GRK5: variants seen among roughly 807,000 people sequenced by gnomAD.
GRK5 encodes g protein-coupled receptor kinase GRK5.
A neutral mutation model predicts 78.4 loss-of-function variants in GRK5; 40 were observed. The ratio of observed to expected loss-of-function variants is 0.51; its 90% CI spans 0.40 to 0.66. GRK5 has a LOEUF of 0.66. Ranked by LOEUF, GRK5 falls within the 30% of genes least tolerant of loss-of-function variation. The pLI, the probability that GRK5 is intolerant of heterozygous loss-of-function variation, is 0.00. For missense variants in GRK5, 598 were observed against 759.9 expected, an observed-to-expected ratio of 0.79 and a Z score of 2.50; for synonymous variants, 289 against 296.8, an observed-to-expected ratio of 0.97 and a Z score of 0.27.
At chr10:119,247,028 G>A (rs553363261) in intron 1 of GRK5, among the ~76,000 whole-genome samples, 1 of 152,306 alleles carries the variant, frequency 6.6e-6, no homozygotes, top group South Asian at 2.1e-4. Context: ...CCTGGCCCGA[G>A]GATGGGATTT....
chr10:119,301,479 C>G (rs909146408), intron 1 of GRK5, among the ~76,000 whole-genome samples: 1 of 152,214 alleles, frequency 6.6e-6, no homozygotes, highest in African/African-American at 2.4e-5. Context: ...CCACGAAGTA[C>G]ACAGGGTGTG....
At chr10:119,216,369 C>G (rs563819362) in intron 1 of GRK5, among the ~76,000 whole-genome samples, 1 of 152,364 alleles carries the variant, frequency 6.6e-6, no homozygotes, top group South Asian at 2.1e-4. Flanking sequence ...CAGATAAGAA[C>G]ATGCCTCTGT....
At chr10:119,318,642 C>G (rs1285986448) in intron 1 of GRK5, among the ~76,000 whole-genome samples, 4 of 152,104 alleles carry the variant, frequency 2.6e-5, no homozygotes, top group African/African-American at 9.7e-5. Context: ...AATCCATCAT[C>G]GCTGCACCCC....
At chr10:119,291,555 T>C (rs1468556310) in intron 1 of GRK5, among the ~76,000 whole-genome samples, 170 of 114,428 alleles carry the variant, frequency 1.5e-3, no homozygotes, top group Middle Eastern at 0.011. Flanking sequence ...CCTCCTCCTC[T>C]TCCTCCTCCT....
chr10:119,356,739 C>T (rs909343407), intron 2 of GRK5, among the ~76,000 whole-genome samples: 1 of 152,214 alleles, frequency 6.6e-6, no homozygotes, highest in Non-Finnish European at 1.5e-5. Context: ...CAAAACAGAA[C>T]TGCAGCCCTT....
At chr10:119,235,672 GT>G (rs914019787) in intron 1 of GRK5, among the ~76,000 whole-genome samples, 15 of 151,478 alleles carry the variant, frequency 9.9e-5, no homozygotes, top group African/African-American at 2.9e-4. Flanking sequence ...ATTTCTGACA[GT>G]TTTTTTTTCC....
Position 119,450,792 on chromosome 10 carries a change from C to T in GRK5, c.1405-1879C>T, listed in dbSNP as rs1853266869. Among the ~76,000 whole-genome samples, 3 of 152,240 alleles carry T rather than the reference C, an allele frequency of 2.0e-5. No individual in the cohort carries two copies. In the South Asian group the frequency reaches 6.2e-4, roughly 32 times the overall value. Reference sequence around the variant, plus strand: ...GCACAGAGCAGCCCACCGGTGCCCTCCTGCCTCAGCCGTGTACCCTGTGGC... The same window carrying T: ...GCACAGAGCAGCCCACCGGTGCCCTTCTGCCTCAGCCGTGTACCCTGTGGC... On this transcript the variant is annotated intron_variant, in intron 13 of 15. Coordinates refer to ENST00000392870, the MANE Select transcript of GRK5 (RefSeq NM_005308.3).
intron 1 of GRK5, among the ~76,000 whole-genome samples, chr10:119,237,597 G>A (rs1848953887): frequency 6.6e-6 from 1 of 152,144 alleles, no homozygotes; most frequent in Non-Finnish European, 1.5e-5. Flanking sequence ...AAAGGGAAGG[G>A]CTTTCTTCAA....
rs1010073481 is a variant in GRK5, at chr10:119,430,538, G to A, written c.597+100G>A. On this transcript the variant is annotated intron_variant, in intron 7 of 15. Transcript: ENST00000392870. The surrounding 1 kb of genome is among the most constrained non-coding windows in gnomAD (Gnocchi z 4.5). ...TAAAGGGTTGGCCCACGGGTCCCCCGGGGGCACCAGTGGCTCAATGTGGGC... is the reference window on the plus strand; with the variant it reads ...TAAAGGGTTGGCCCACGGGTCCCCCAGGGGCACCAGTGGCTCAATGTGGGC... 2.9e-5 allele frequency: 30 copies of A among 1,047,688 alleles called. No individual in the cohort carries two copies. The Admixed American group carries it at 3.0e-4, about 10-fold the overall frequency. 64.9% of individuals were successfully genotyped at this position (1,047,688 alleles called of 1,614,324 possible).
At chr10:119,416,592 T>C (rs1430418087) in intron 4 of GRK5, among the ~76,000 whole-genome samples, 3 of 146,860 alleles carry the variant, frequency 2.0e-5, no homozygotes, top group Non-Finnish European at 4.5e-5. Flanking sequence ...TCTCTCTCTT[T>C]TTTTTTTTTT....
At chr10:119,400,156 A>G (rs1012507368) in intron 4 of GRK5, among the ~76,000 whole-genome samples, 1 of 152,148 alleles carries the variant, frequency 6.6e-6, no homozygotes, top group Non-Finnish European at 1.5e-5. Flanking sequence ...GTGCCCCATG[A>G]TGGGGATTCT....
chr10:119,418,892 G>T (rs1362509930), intron 4 of GRK5, among the ~76,000 whole-genome samples: 1 of 151,936 alleles, frequency 6.6e-6, no homozygotes, highest in Non-Finnish European at 1.5e-5. Context: ...GTATCTACAG[G>T]CCTTGAGGCC....
At chr10:119,371,191 C>T (rs991076550) in intron 2 of GRK5, among the ~76,000 whole-genome samples, 4 of 152,172 alleles carry the variant, frequency 2.6e-5, no homozygotes, top group Non-Finnish European at 4.4e-5. Flanking sequence ...CAGCCCTCCC[C>T]GCACCCGGGC....
intron 10 of GRK5, among the ~76,000 whole-genome samples, chr10:119,440,159 C>T (rs79598139): frequency 0.081 from 12,327 of 152,160 alleles, 697 homozygotes; most frequent in Non-Finnish European, 0.12. Flanking sequence ...ACAAAGCGTC[C>T]TGCCCTGCCC....
At chr10:119,384,009 T>C (rs1335999922) in intron 3 of GRK5, among the ~76,000 whole-genome samples, 1 of 152,188 alleles carries the variant, frequency 6.6e-6, no homozygotes, top group Non-Finnish European at 1.5e-5. Context: ...GTTCCGAGGC[T>C]GACTTACCAG....
intron 1 of GRK5, among the ~76,000 whole-genome samples, chr10:119,296,856 G>T (rs1850090361): frequency 6.6e-6 from 1 of 152,248 alleles, no homozygotes; most frequent in Non-Finnish European, 1.5e-5. Context: ...CAGAGCCTAG[G>T]ACTGACTGAG....
intron 2 of GRK5, among the ~76,000 whole-genome samples, chr10:119,359,719 T>G (rs2133807670): frequency 6.6e-6 from 1 of 152,306 alleles, no homozygotes; most frequent in South Asian, 2.1e-4. Context: ...CTGTCCCCTC[T>G]TTGGTTCACA....
At chr10:119,247,490 T>A (rs930552635) in intron 1 of GRK5, among the ~76,000 whole-genome samples, 9 of 152,214 alleles carry the variant, frequency 5.9e-5, no homozygotes, top group Non-Finnish European at 7.3e-5. Flanking sequence ...ATGAAACCCT[T>A]GAAGGCTTTG....
Position 119,358,359 on chromosome 10 carries a change from G to A in GRK5, c.149-22456G>A, listed in dbSNP as rs148393808. ...AGCAAATGCTCTGCAAATAGTAGCT[G>A]CTCTGACCATGTGATTTGACTGGCA... On this transcript the variant is annotated intron_variant, in intron 2 of 15. Transcript: ENST00000392870. 2.2e-4 allele frequency among the ~76,000 whole-genome samples: 33 copies of A among 152,330 alleles called. No individual in the cohort carries two copies. The East Asian group carries it at 6.4e-3, about 29-fold the overall frequency.
Sources: allele counts gnomAD v4.1 joint callset (sites outside exome capture counted in the v4.1 genomes callset), GRCh38; gene constraint gnomAD v4.1.1; non-coding constraint Gnocchi (gnomAD v3.1); transcripts MANE v1.5; gene names NCBI Gene and HGNC (gene_info 2026-07-23, HGNC 2026-07-21).